NPY1R: variants seen among roughly 807,000 people sequenced by gnomAD.
NPY1R encodes the protein neuropeptide Y receptor Y1, also known as neuropeptide Y receptor type 1.
NPY1R carries 10 observed loss-of-function variants against 24.1 expected under a neutral mutation model. That is an observed-to-expected ratio of 0.42 (90% CI 0.26 to 0.71). NPY1R has a LOEUF of 0.71. Ranked by LOEUF, NPY1R falls within the 30% of genes least tolerant of loss-of-function variation. NPY1R has a pLI of 0.28. For synonymous variants in NPY1R, 168 were observed against 165.9 expected (o/e 1.01, Z -0.10); for missense variants, 350 against 458.0 (o/e 0.76, Z 2.15).
upstream of NPY1R, among the ~76,000 whole-genome samples, chr4:163,337,316 C>T (rs1385046910): frequency 2.0e-5 from 3 of 152,178 alleles, no homozygotes; most frequent in Non-Finnish European, 4.4e-5. Flanking sequence ...TTAAATATTA[C>T]CCAGAAATGC....
In NPY1R at chr4:163,325,244, T is replaced by C. The variant is rs1440737539; in HGVS notation, c.*59A>G. 4 of 1,165,854 alleles carry C rather than the reference T, an allele frequency of 3.4e-6. No homozygotes were observed. The highest frequency in any genetic ancestry group is 2.1e-5 in the Admixed American group (1 of 47,388). The allele number at this position is 1,165,854 out of a possible 1,614,324, so 72.2% of individuals were successfully genotyped here. ...TGGGAGAACAGGTAATCAAAGTATG[T>C]TGCAGGTTGTGCTTGTTTTTAAACA... is the stretch of plus-strand genomic sequence containing the variant. On this transcript the variant is annotated 3_prime_UTR_variant, in exon 3 of 3. Coordinates refer to ENST00000296533, the MANE Select transcript of NPY1R (RefSeq NM_000909.6).
At chr4:163,337,998 C>T (rs987484375), upstream of NPY1R, among the ~76,000 whole-genome samples, 2 of 152,222 alleles carry the variant, frequency 1.3e-5, no homozygotes, top group South Asian at 4.1e-4. Flanking sequence ...TAGCAATGGA[C>T]TCAACTGAGC....
In NPY1R at chr4:163,324,272, G is replaced by T. The variant is rs1734553860; in HGVS notation, c.*1031C>A. The T allele has an allele frequency of 6.6e-6, 1 of 152,632 alleles. No individual in the cohort carries two copies. Among genetic ancestry groups the T allele is most frequent in the Non-Finnish European group, 1.5e-5 (1 of 68,036 alleles). The allele number at this position is 152,632 out of a possible 1,614,324, so 9.5% of individuals were successfully genotyped here. A position where few individuals can be genotyped will look rare whatever the true frequency, so the allele number is the denominator to read the frequency against. On this transcript the variant is annotated 3_prime_UTR_variant, in exon 3 of 3. Coordinates refer to ENST00000296533, the MANE Select transcript of NPY1R (RefSeq NM_000909.6). ...TGTGTATTTTTCCCTGCTAGGTAAA[G>T]TGAATATTCCTTTAACATTGTACCT...
At chr4:163,328,866 A>G (rs1374597455) in intron 1 of NPY1R, among the ~76,000 whole-genome samples, 2 of 152,222 alleles carry the variant, frequency 1.3e-5, no homozygotes, top group Non-Finnish European at 2.9e-5. Flanking sequence ...CATTTTTAAT[A>G]TAACATCTTT....
chr4:163,329,388 G>A (rs1281805753), intron 1 of NPY1R, among the ~76,000 whole-genome samples: 1 of 152,104 alleles, frequency 6.6e-6, no homozygotes, highest in Non-Finnish European at 1.5e-5. Context: ...ATCACCTGAA[G>A]TCAAGAGTTT....
intron 1 of NPY1R, among the ~76,000 whole-genome samples, chr4:163,339,124 G>A (rs4234955): frequency 0.62 from 94,504 of 152,006 alleles, 31,762 homozygotes; most frequent in Non-Finnish European, 0.75. Context: ...AAGGGCCAAA[G>A]ACATCCTTTT....
At position 163,342,957 on chromosome 4, in the gene NPY1R, T is replaced by TTC. The variant is rs111227651; in HGVS notation, c.-152+1346_-152+1347dup. Among the ~76,000 whole-genome samples, 240 of 133,372 alleles carry TTC rather than the reference T, an allele frequency of 1.8e-3. 1 individual carries two copies. The highest frequency in any genetic ancestry group is 6.5e-3 in the East Asian group (28 of 4,280). The allele number at this position is 133,372 out of a possible 152,430, so 87.5% of individuals were successfully genotyped here. A position where few individuals can be genotyped will look rare whatever the true frequency, so the allele number is the denominator to read the frequency against. On this transcript the variant is annotated intron_variant, in intron 1 of 1. Coordinates refer to the NPY1R transcript ENST00000511901. ...AATGTCTCTTTTCTCCCTTCTCTCC[T>TTC]TCTCTCTCTCTCTCTCTCTCACAGA...
chr4:163,344,470 G>T (rs1169585755), exon 1 of NPY1R: 1 of 152,158 alleles, frequency 6.6e-6, no homozygotes, highest in Non-Finnish European at 1.5e-5. Flanking sequence ...CCCGCGGGGT[G>T]CCCGGGTCAG....
chr4:163,341,112 A>AT, intron 1 of NPY1R, among the ~76,000 whole-genome samples: 1 of 152,146 alleles, frequency 6.6e-6, no homozygotes, highest in East Asian at 1.9e-4. Context: ...TCAAAAAAAA[A>AT]TCATGTATTT....
Position 163,324,612 on chromosome 4 carries a change from C to T in NPY1R, c.*691G>A, listed in dbSNP as rs1276628119. On this transcript the variant is annotated 3_prime_UTR_variant, in exon 3 of 3. Coordinates refer to ENST00000296533, the MANE Select transcript of NPY1R (RefSeq NM_000909.6). ...TTTTGAAGTTAGGGAGCTGCTTTCT[C>T]TCTTCATTCCTGTGGGTGCCCCAAT... 6.6e-6 allele frequency: 1 copy of T among 152,120 alleles called. No homozygotes were observed. The highest frequency in any genetic ancestry group is 1.5e-5 in the Non-Finnish European group (1 of 68,018). 9.4% of individuals were successfully genotyped at this position (152,120 alleles called of 1,614,324 possible). A position where few individuals can be genotyped will look rare whatever the true frequency, so the allele number is the denominator to read the frequency against.
chr4:163,335,583 A>G (rs6837793), upstream of NPY1R, among the ~76,000 whole-genome samples: 129,191 of 152,118 alleles, frequency 0.85, 55,506 homozygotes, highest in East Asian at 0.99. Flanking sequence ...CTCAGAAGAA[A>G]CTTAATAGGC....
chr4:163,326,328 T>A lies in NPY1R; in HGVS notation c.227A>T (p.Asn76Ile). The change falls in exon 2 of 3, where the codon AAC becomes ATC. Residue 76 changes from asparagine to isoleucine, a missense_variant. Transcript: ENST00000296533. Reference protein sequence around the residue: ...LKQKEMRNVTNILIVNLSFSD... With the variant: ...LKQKEMRNVTIILIVNLSFSD... ...GAAGGAAAGGTTCACAATCAGGATG[T>A]TGGTAACATTTCTCATCTCCTTTTG... 6.2e-7 allele frequency: 1 copy of A among 1,614,006 alleles called. No homozygotes were observed. The highest frequency in any genetic ancestry group is 1.1e-5 in the South Asian group (1 of 91,072).
upstream of NPY1R, among the ~76,000 whole-genome samples, chr4:163,336,646 T>G (rs1249427143): frequency 6.6e-6 from 1 of 152,142 alleles, no homozygotes; most frequent in African/African-American, 2.4e-5. Context: ...AGAAAAGCTA[T>G]GAAGGTATAA....
Position 163,325,514 on chromosome 4 carries a change from A to C in NPY1R, c.944T>G (p.Val315Gly), listed in dbSNP as rs1305031484. Residue 315 changes from valine (V) to glycine (G), a missense_variant, in exon 3 of 3, where the codon GTC (valine) becomes GGC (glycine). Val to Gly is a moderately radical substitution (Grantham distance 109, BLOSUM62 -3). Transcript: ENST00000296533. ...CHLTAMISTC[V>G]NPIFYGFLNK... ...CAGGAACCCATAAAATATGGGGTTGACACAAGTGGATATCATTGCTGTGAG... is the reference window on the plus strand; with the variant it reads ...CAGGAACCCATAAAATATGGGGTTGCCACAAGTGGATATCATTGCTGTGAG... 9.9e-6 allele frequency: 16 copies of C among 1,614,004 alleles called. No individual in the cohort carries two copies. Among genetic ancestry groups the C allele is most frequent in the Non-Finnish European group, 1.4e-5 (16 of 1,179,972 alleles).
At position 163,326,333 on chromosome 4, in the gene NPY1R, A is replaced by G. The variant is rs1734606265; in HGVS notation, c.222T>C (p.Val74=). 23 of 1,613,982 alleles carry G rather than the reference A, an allele frequency of 1.4e-5. No homozygotes were observed. Among genetic ancestry groups the G allele is most frequent in the Non-Finnish European group, 1.9e-5 (22 of 1,179,938 alleles). The part of the protein sequence containing the change: ...IILKQKEMRN[V]TNILIVNLSF... ...AAAGGTTCACAATCAGGATGTTGGTAACATTTCTCATCTCCTTTTGTTTCA... is the reference window on the plus strand; with the variant it reads ...AAAGGTTCACAATCAGGATGTTGGTGACATTTCTCATCTCCTTTTGTTTCA... Residue 74 remains valine, a synonymous_variant, in exon 2 of 3, where the codon GTT becomes GTC. Coordinates refer to ENST00000296533, the MANE Select transcript of NPY1R (RefSeq NM_000909.6).
intron 1 of NPY1R, among the ~76,000 whole-genome samples, chr4:163,331,889 G>C (rs890792248): frequency 2.6e-5 from 4 of 152,226 alleles, no homozygotes; most frequent in Non-Finnish European, 5.9e-5. Flanking sequence ...GATTGCAGCC[G>C]AGAAGCGCGG....
intron 1 of NPY1R, among the ~76,000 whole-genome samples, chr4:163,326,933 G>T (rs1378942279): frequency 2.0e-5 from 3 of 152,164 alleles, no homozygotes; most frequent in Non-Finnish European, 4.4e-5. Context: ...AAACATAATG[G>T]TCTATAAGTT....
chr4:163,337,383 C>T (rs554353297), upstream of NPY1R, among the ~76,000 whole-genome samples: 114 of 152,278 alleles, frequency 7.5e-4, 1 homozygote, highest in African/African-American at 2.6e-3. Context: ...GAAATTCCAC[C>T]CCTCTCCCAG....
At chr4:163,340,703 A>G (rs1286955907) in intron 1 of NPY1R, among the ~76,000 whole-genome samples, 5 of 152,102 alleles carry the variant, frequency 3.3e-5, no homozygotes, top group Non-Finnish European at 5.9e-5. Context: ...TCAAGTGCCT[A>G]TCTAAAGCCA....
Sources: gnomAD v4.1 joint callset for allele counts (sites outside exome capture counted in the v4.1 genomes callset) on GRCh38, gnomAD v4.1.1 for gene constraint, MANE v1.5 for transcripts, NCBI Gene and HGNC (gene_info 2026-07-23, HGNC 2026-07-21) for gene names.